DLGAP1: variants seen among roughly 807,000 people sequenced by gnomAD.
DLGAP1 encodes the protein disks large-associated protein 1.
In DLGAP1, 11 loss-of-function variants were observed where a neutral mutation model predicts 90.8. The ratio of observed to expected loss-of-function variants is 0.12; its 90% CI spans 0.08 to 0.20. The LOEUF is 0.20. DLGAP1 is among the 10% of genes least tolerant of loss of function. The probability of loss-of-function intolerance (pLI) is 1.00; values close to 1 mark genes in which losing one functional copy is unlikely to be tolerated. For missense variants in DLGAP1, 1,050 were observed against 1,333.8 expected (o/e 0.79, Z 3.31); for synonymous variants, 558 against 540.7 (o/e 1.03, Z -0.44).
chr18:4,416,755 T>C (rs538700403), intron 1 of DLGAP1, among the ~76,000 whole-genome samples: 6 of 152,340 alleles, frequency 3.9e-5, no homozygotes, highest in Admixed American at 3.9e-4. Context: ...CTCTTGGGCT[T>C]GCCTGTTTTC....
intron 4 of DLGAP1, among the ~76,000 whole-genome samples, chr18:3,869,974 G>C (rs1040644663): frequency 1.3e-5 from 2 of 152,290 alleles, no homozygotes; most frequent in African/African-American, 2.4e-5. Flanking sequence ...GTGCTAAGTA[G>C]AGCCCAAAGT....
rs181231492 is a variant in DLGAP1, at chr18:3,900,905, A to G, written c.-72-20765T>C. On this transcript the variant is annotated intron_variant, in intron 3 of 12. Coordinates refer to ENST00000315677, the MANE Select transcript of DLGAP1 (RefSeq NM_004746.4). ...CTGTCCAAGCCACCTCGCCTCTCCC[A>G]TCTCCCCCTCGACCTCGTTATTTTC... Among the ~76,000 whole-genome samples, 526 of 152,186 alleles carry G rather than the reference A, an allele frequency of 3.5e-3. 2 individuals are homozygous for G. The highest frequency in any genetic ancestry group is 5.6e-3 in the Non-Finnish European group (380 of 68,006).
At chr18:3,572,665 G>A (rs1245464804) in intron 8 of DLGAP1, among the ~76,000 whole-genome samples, 1 of 152,142 alleles carries the variant, frequency 6.6e-6, no homozygotes, top group Non-Finnish European at 1.5e-5. Flanking sequence ...GGCCAGGCTG[G>A]TCTCAAACTC....
At chr18:4,173,528 T>C (rs1016406048) in intron 1 of DLGAP1, among the ~76,000 whole-genome samples, 5 of 152,318 alleles carry the variant, frequency 3.3e-5, no homozygotes, top group Admixed American at 6.5e-5. Context: ...ACATTGGTTA[T>C]TTTAATCAAC....
At chr18:4,264,227 A>G (rs895546109) in intron 1 of DLGAP1, among the ~76,000 whole-genome samples, 5 of 152,166 alleles carry the variant, frequency 3.3e-5, no homozygotes, top group African/African-American at 1.2e-4. Flanking sequence ...GAAGATGTGG[A>G]AAGTGCATCC....
At chr18:3,972,155 G>C (rs1274741849) in intron 3 of DLGAP1, among the ~76,000 whole-genome samples, 1 of 151,918 alleles carries the variant, frequency 6.6e-6, no homozygotes, top group Non-Finnish European at 1.5e-5. Context: ...TTTTTTATGA[G>C]TTTATAAACT....
At chr18:4,272,624 C>G (rs1057346846) in intron 1 of DLGAP1, among the ~76,000 whole-genome samples, 1 of 152,160 alleles carries the variant, frequency 6.6e-6, no homozygotes, top group East Asian at 1.9e-4. Context: ...GACTGTTTTG[C>G]AGCACCATAT....
intron 1 of DLGAP1, among the ~76,000 whole-genome samples, chr18:4,173,274 C>G (rs925226591): frequency 1.3e-5 from 2 of 152,138 alleles, no homozygotes; most frequent in African/African-American, 4.8e-5. Flanking sequence ...TGCAGAGCCC[C>G]AATCTCAGGC....
chr18:4,451,837 T>C (rs939634663), intron 1 of DLGAP1, among the ~76,000 whole-genome samples: 6 of 152,144 alleles, frequency 3.9e-5, no homozygotes, highest in African/African-American at 1.4e-4. Context: ...TTTGTGATAG[T>C]GTTTCTTTAA....
intron 1 of DLGAP1, among the ~76,000 whole-genome samples, chr18:4,217,199 T>A: frequency 6.6e-6 from 1 of 152,226 alleles, no homozygotes; most frequent in Admixed American, 6.6e-5. Context: ...CTGCACATCT[T>A]TTTGAGGTTT....
intron 3 of DLGAP1, among the ~76,000 whole-genome samples, chr18:3,930,641 C>T (rs1568305799): frequency 6.6e-6 from 1 of 152,112 alleles, no homozygotes; most frequent in African/African-American, 2.4e-5. Context: ...TCCAGGTGCT[C>T]CATGGGCATT....
intron 1 of DLGAP1, among the ~76,000 whole-genome samples, chr18:4,260,546 C>T (rs2078982885): frequency 6.6e-6 from 1 of 152,122 alleles, no homozygotes; most frequent in Admixed American, 6.5e-5. Context: ...TTCAAGTCTC[C>T]ATTTTAATTT....
At chr18:3,869,071 G>A (rs2070579314) in intron 4 of DLGAP1, among the ~76,000 whole-genome samples, 1 of 151,898 alleles carries the variant, frequency 6.6e-6, no homozygotes, top group African/African-American at 2.4e-5. Context: ...AGCTTGTCCT[G>A]TTGACTTACC....
At chr18:3,639,011 A>G (rs1251702768) in intron 7 of DLGAP1, among the ~76,000 whole-genome samples, 2 of 152,212 alleles carry the variant, frequency 1.3e-5, no homozygotes, top group East Asian at 3.9e-4. Flanking sequence ...AACTAATGCT[A>G]CACTGTGCCT....
intron 1 of DLGAP1, among the ~76,000 whole-genome samples, chr18:4,195,558 A>T (rs1257457849): frequency 6.7e-6 from 1 of 149,522 alleles, no homozygotes; most frequent in Non-Finnish European, 1.5e-5. Context: ...TTATCTATTT[A>T]TTTTTTTTTT....
At chr18:3,708,289 G>A (rs765102436) in intron 7 of DLGAP1, 1 of 384,422 alleles carries the variant, frequency 2.6e-6, no homozygotes, top group African/African-American at 2.1e-5. Flanking sequence ...TTACAGGCAT[G>A]AGCCACTGTG....
intron 7 of DLGAP1, among the ~76,000 whole-genome samples, chr18:3,600,076 C>T (rs2056811810): frequency 1.3e-5 from 2 of 152,116 alleles, no homozygotes; most frequent in Non-Finnish European, 2.9e-5. Flanking sequence ...CACACCACCA[C>T]ATCCAGCTAA....
At chr18:3,503,589 T>C (rs932345714) in intron 11 of DLGAP1, among the ~76,000 whole-genome samples, 1 of 152,226 alleles carries the variant, frequency 6.6e-6, no homozygotes, top group African/African-American at 2.4e-5. Flanking sequence ...GGTATCTGTT[T>C]TGGTGACCTC....
At chr18:4,031,389 C>T (rs1352432602) in intron 2 of DLGAP1, among the ~76,000 whole-genome samples, 3 of 152,158 alleles carry the variant, frequency 2.0e-5, no homozygotes, top group Non-Finnish European at 2.9e-5. Context: ...ACATTGGTGA[C>T]TATACCATCA....
Sources: allele counts gnomAD v4.1 joint callset (sites outside exome capture counted in the v4.1 genomes callset), GRCh38; gene constraint gnomAD v4.1.1; transcripts MANE v1.5; gene names NCBI Gene and HGNC (gene_info 2026-07-23, HGNC 2026-07-21).